Variants in ZFAND6 observed in about 807,000 individuals in gnomAD.
ZFAND6 encodes zinc finger AN1-type containing 6.
A neutral mutation model predicts 24.5 loss-of-function variants in ZFAND6; 12 were observed. The ratio of observed to expected loss-of-function variants is 0.49; its 90% CI spans 0.31 to 0.79. The LOEUF is 0.79. ZFAND6 is among the 30% of genes least tolerant of loss of function. The pLI, the probability that ZFAND6 is intolerant of heterozygous loss-of-function variation, is 0.04. For synonymous variants in ZFAND6, 92 were observed against 81.5 expected (o/e 1.13, Z -0.69); for missense variants, 207 against 245.9 (o/e 0.84, Z 1.06).
intron 2 of ZFAND6, among the ~76,000 whole-genome samples, chr15:80,103,911 T>C (rs1404402837): frequency 6.6e-6 from 1 of 152,120 alleles, no homozygotes; most frequent in Admixed American, 6.5e-5. Flanking sequence ...TGTAGTGGTG[T>C]GATCTCAGCT....
At chr15:80,109,174 G>T (rs1172129435) in intron 2 of ZFAND6, among the ~76,000 whole-genome samples, 1 of 152,136 alleles carries the variant, frequency 6.6e-6, no homozygotes, top group Non-Finnish European at 1.5e-5. Flanking sequence ...GCTACTAGTG[G>T]TGGTGTGCAG....
intron 5 of ZFAND6, among the ~76,000 whole-genome samples, chr15:80,123,481 AG>A (rs2040235930): frequency 6.6e-6 from 1 of 152,236 alleles, no homozygotes; most frequent in Non-Finnish European, 1.5e-5. Flanking sequence ...ATCTCTGGAA[AG>A]ATAAGCCTAA....
At chr15:80,063,798 G>C (rs566025587) in intron 1 of ZFAND6, among the ~76,000 whole-genome samples, 4 of 152,236 alleles carry the variant, frequency 2.6e-5, no homozygotes, top group Admixed American at 2.6e-4. Flanking sequence ...TGATCCACCT[G>C]CCTAGGCCTC....
intron 1 of ZFAND6, among the ~76,000 whole-genome samples, chr15:80,095,098 GA>G (rs1442495081): frequency 6.6e-6 from 1 of 151,914 alleles, no homozygotes; most frequent in African/African-American, 2.4e-5. Context: ...TTCCTGTCCA[GA>G]ATCCAACCCA....
intron 1 of ZFAND6, among the ~76,000 whole-genome samples, chr15:80,065,459 C>G (rs1387708389): frequency 6.6e-6 from 1 of 151,552 alleles, no homozygotes; most frequent in African/African-American, 2.4e-5. Context: ...CCCCCATCCC[C>G]CTTTTTTGGT....
At chr15:80,097,603 C>G (rs1422279479) in intron 1 of ZFAND6, among the ~76,000 whole-genome samples, 1 of 152,020 alleles carries the variant, frequency 6.6e-6, no homozygotes, top group African/African-American at 2.4e-5. Context: ...GAGCCAAGAT[C>G]GCACCATTGC....
In ZFAND6 at chr15:80,093,273, CT is replaced by C. The variant is rs1211542226; in HGVS notation, c.-180-5135del. ...AGCCACCATGCCCAGGCAGGACTTT[CT>C]TTTTTTTAAATATACAAGTTTTTGT... On this transcript the variant is annotated intron_variant, in intron 1 of 6. Coordinates refer to ENST00000261749, the MANE Select transcript of ZFAND6 (RefSeq NM_019006.4). 2.6e-5 allele frequency among the ~76,000 whole-genome samples: 4 copies of C among 151,402 alleles called. No homozygotes were observed. In the East Asian group the frequency reaches 7.8e-4, roughly 30 times the overall value.
chr15:80,062,576 A>C (rs2036393142), intron 1 of ZFAND6, among the ~76,000 whole-genome samples: 1 of 152,220 alleles, frequency 6.6e-6, no homozygotes, highest in Non-Finnish European at 1.5e-5. Flanking sequence ...TGTAATTTTG[A>C]ATAACCTTTT....
chr15:80,062,332 A>G (rs765494148), intron 1 of ZFAND6, among the ~76,000 whole-genome samples: 1 of 152,242 alleles, frequency 6.6e-6, no homozygotes, highest in Non-Finnish European at 1.5e-5. Context: ...TAAATTTTGT[A>G]TCCTTTGGAA....
intron 1 of ZFAND6, among the ~76,000 whole-genome samples, chr15:80,065,001 CCTTT>C (rs548562794): frequency 0.012 from 1,654 of 133,526 alleles, 33 homozygotes; most frequent in African/African-American, 0.042. Flanking sequence ...TCTCTCTCCC[CCTTT>C]TTTTTTTTTT....
intron 1 of ZFAND6, among the ~76,000 whole-genome samples, chr15:80,065,587 C>G (rs1328647159): frequency 1.5e-5 from 2 of 130,090 alleles, no homozygotes; most frequent in Non-Finnish European, 3.1e-5. Context: ...ACTCTGTTGC[C>G]CAGGCTGGAG....
intron 1 of ZFAND6, among the ~76,000 whole-genome samples, chr15:80,063,106 C>T (rs1185536739): frequency 6.6e-6 from 1 of 152,114 alleles, no homozygotes; most frequent in African/African-American, 2.4e-5. Flanking sequence ...AAAATTGAAA[C>T]CTCTTACTGT....
chr15:80,107,678 C>CAA (rs1321996223), intron 2 of ZFAND6, among the ~76,000 whole-genome samples: 1 of 151,992 alleles, frequency 6.6e-6, no homozygotes, highest in African/African-American at 2.4e-5. Flanking sequence ...CACAAAAAGT[C>CAA]ATGATGATAG....
chr15:80,122,240 T>A (rs763772716), intron 4 of ZFAND6, among the ~76,000 whole-genome samples: 1 of 152,158 alleles, frequency 6.6e-6, no homozygotes, highest in Non-Finnish European at 1.5e-5. Context: ...TTTTTAACTC[T>A]GAAGTCACAT....
chr15:80,077,522 G>T (rs1280385380), intron 1 of ZFAND6, among the ~76,000 whole-genome samples: 1 of 151,932 alleles, frequency 6.6e-6, no homozygotes, highest in Non-Finnish European at 1.5e-5. Flanking sequence ...AAAGCAACTT[G>T]GTGGTAAAGG....
intron 6 of ZFAND6, 61 bp downstream of exon 6, chr15:80,131,354 C>T: frequency 7.4e-7 from 1 of 1,347,150 alleles, no homozygotes; most frequent in South Asian, 1.3e-5. Flanking sequence ...GCATAGCTTA[C>T]TGTTGTTGAC....
At chr15:80,137,412 TATTA>T (rs779919276) in intron 6 of ZFAND6, 64 bp from the exon 7 acceptor site, 98 of 1,535,064 alleles carry the variant, frequency 6.4e-5, no homozygotes, top group Middle Eastern at 3.4e-4. Context: ...TGCTGTTCAG[TATTA>T]ATTATGCCAA....
intron 1 of ZFAND6, among the ~76,000 whole-genome samples, chr15:80,065,937 A>G (rs980284613): frequency 1.3e-5 from 2 of 152,142 alleles, no homozygotes; most frequent in African/African-American, 4.8e-5. Context: ...TGTTCCTCTG[A>G]GCATAGCTTT....
intron 2 of ZFAND6, among the ~76,000 whole-genome samples, chr15:80,116,072 C>G (rs932691181): frequency 1.3e-5 from 2 of 150,750 alleles, no homozygotes; most frequent in East Asian, 3.9e-4. Context: ...TATTTTTTCC[C>G]TAAGGAGCCT....
Sources: gnomAD v4.1 joint callset for allele counts (sites outside exome capture counted in the v4.1 genomes callset) on GRCh38, gnomAD v4.1.1 for gene constraint, MANE v1.5 for transcripts, NCBI Gene and HGNC (gene_info 2026-07-23, HGNC 2026-07-21) for gene names.